LRRC18: variants seen among roughly 807,000 people sequenced by gnomAD.
LRRC18 encodes the protein leucine rich repeat containing 18.
LRRC18 carries 12 observed loss-of-function variants against 11.2 expected under a neutral mutation model. The observed-to-expected ratio is 1.07, with a 90% CI of 0.69 to 1.74. The LOEUF is 1.74. Among genes scored for constraint, LRRC18 ranks in the 40% most tolerant of loss-of-function variants. LRRC18 has a pLI of 0.00. For synonymous variants in LRRC18, 155 were observed against 130.6 expected (o/e 1.19, Z -1.27); for missense variants, 374 against 330.5 (o/e 1.13, Z -1.02).
chr10:48,930,387 T>C, the LRRC18 span, among the ~76,000 whole-genome samples: 2 of 152,294 alleles, frequency 1.3e-5, no homozygotes, highest in South Asian at 2.1e-4. Flanking sequence ...AGGAATGCTT[T>C]CCAAATAGAC....
chr10:48,928,084 A>G, the LRRC18 span, among the ~76,000 whole-genome samples: 1 of 152,206 alleles, frequency 6.6e-6, no homozygotes, highest in African/African-American at 2.4e-5. Flanking sequence ...TGCTATTGCC[A>G]GACAGGTGTT....
At chr10:48,910,204 C>A in exon 2 of LRRC18, 1 of 1,313,276 alleles carries the variant, frequency 7.6e-7, no homozygotes, top group Non-Finnish European at 1.1e-6. Flanking sequence ...ATTCTGTTAG[C>A]TGAGTAGTCT....
the LRRC18 span, among the ~76,000 whole-genome samples, chr10:48,921,945 T>C: frequency 6.6e-6 from 1 of 152,218 alleles, no homozygotes; most frequent in African/African-American, 2.4e-5. Context: ...TATTATATCA[T>C]CTGGCATTTT....
the LRRC18 span, among the ~76,000 whole-genome samples, chr10:48,932,037 G>A: frequency 6.6e-6 from 1 of 152,182 alleles, no homozygotes; most frequent in South Asian, 2.1e-4. Context: ...ATAGAAGTGA[G>A]CCCCACTCCC....
chr10:48,915,123 G>A (rs761470235), upstream of LRRC18, among the ~76,000 whole-genome samples: 4 of 152,130 alleles, frequency 2.6e-5, no homozygotes, highest in Non-Finnish European at 4.4e-5. Context: ...TTTCTTATTT[G>A]TGAAAACAGA....
upstream of LRRC18, among the ~76,000 whole-genome samples, chr10:48,916,107 A>C (rs1257704342): frequency 1.3e-5 from 2 of 152,234 alleles, no homozygotes; most frequent in Non-Finnish European, 2.9e-5. Context: ...ACTCTGAGAT[A>C]AGTGATATCA....
chr10:48,913,596 A>G, exon 1 of LRRC18: 1 of 1,613,796 alleles, frequency 6.2e-7, no homozygotes. Flanking sequence ...GTCTATGAAT[A>G]TTTCCGACTC....
chr10:48,912,649 T>C (rs1838113372), intron 1 of LRRC18, among the ~76,000 whole-genome samples: 2 of 152,228 alleles, frequency 1.3e-5, no homozygotes, highest in South Asian at 4.1e-4. Context: ...TGTTGATTTA[T>C]TGAATGCACC....
chr10:48,931,096 A>AACAC, the LRRC18 span, among the ~76,000 whole-genome samples: 542 of 150,352 alleles, frequency 3.6e-3, 4 homozygotes, highest in African/African-American at 9.5e-3. Context: ...CTCACACTCA[A>AACAC]ACACACACAC....
the LRRC18 span, among the ~76,000 whole-genome samples, chr10:48,929,152 G>T: frequency 5.3e-5 from 8 of 152,126 alleles, no homozygotes; most frequent in East Asian, 1.5e-3. Flanking sequence ...TTCAGGGAGA[G>T]AATTTCAGAT....
upstream of LRRC18, among the ~76,000 whole-genome samples, chr10:48,917,775 A>G (rs535119853): frequency 1.3e-5 from 2 of 152,206 alleles, no homozygotes; most frequent in Non-Finnish European, 2.9e-5. Flanking sequence ...CTAGAGAGGA[A>G]CTCCAAACTT....
the LRRC18 span, among the ~76,000 whole-genome samples, chr10:48,939,745 C>A: frequency 4.6e-5 from 7 of 152,274 alleles, no homozygotes; most frequent in South Asian, 1.5e-3. Flanking sequence ...ATAGATCTCA[C>A]CTTTGGTTAG....
chr10:48,922,363 G>T, the LRRC18 span, among the ~76,000 whole-genome samples: 1 of 152,186 alleles, frequency 6.6e-6, no homozygotes, highest in Non-Finnish European at 1.5e-5. Context: ...GATGCTGGTA[G>T]TTCAGATATG....
the LRRC18 span, among the ~76,000 whole-genome samples, chr10:48,925,884 T>G: frequency 6.6e-6 from 1 of 152,210 alleles, no homozygotes; most frequent in Non-Finnish European, 1.5e-5. Context: ...CCTTCATGTA[T>G]GTCTAATCTC....
upstream of LRRC18, among the ~76,000 whole-genome samples, chr10:48,914,945 CTG>C (rs1032997465): frequency 4.6e-5 from 7 of 152,208 alleles, no homozygotes; most frequent in Non-Finnish European, 1.0e-4. Context: ...ATCCTTCACA[CTG>C]GACTTCAACT....
At chr10:48,925,859 A>G in the LRRC18 span, among the ~76,000 whole-genome samples, 1 of 152,198 alleles carries the variant, frequency 6.6e-6, no homozygotes, top group African/African-American at 2.4e-5. Context: ...AATTGCCTCA[A>G]ACATGCTGCT....
upstream of LRRC18, among the ~76,000 whole-genome samples, chr10:48,915,967 T>A (rs1055454440): frequency 6.6e-6 from 1 of 152,176 alleles, no homozygotes; most frequent in Non-Finnish European, 1.5e-5. Context: ...AGAAACCAGA[T>A]AGGATAAAAC....
the LRRC18 span, among the ~76,000 whole-genome samples, chr10:48,931,096 A>AACACACAC: frequency 5.5e-4 from 83 of 150,362 alleles, no homozygotes; most frequent in African/African-American, 1.3e-3. Context: ...CTCACACTCA[A>AACACACAC]ACACACACAC....
At chr10:48,916,905 G>A (rs1459558298), upstream of LRRC18, among the ~76,000 whole-genome samples, 3 of 143,070 alleles carry the variant, frequency 2.1e-5, no homozygotes, top group Non-Finnish European at 3.1e-5. Flanking sequence ...GTGTGTGTGT[G>A]TGTGTACAAC....
Sources: allele counts gnomAD v4.1 joint callset (sites outside exome capture counted in the v4.1 genomes callset), GRCh38; gene constraint gnomAD v4.1.1; transcripts MANE v1.5; gene names NCBI Gene and HGNC (gene_info 2026-07-23, HGNC 2026-07-21).